Variants in EPHA6 observed in about 807,000 individuals in gnomAD.
EPHA6 encodes ephrin type-A receptor 6.
In EPHA6, 50 loss-of-function variants were observed where a neutral mutation model predicts 112.0. The observed-to-expected ratio is 0.45, with a 90% confidence interval of 0.36 to 0.56. EPHA6 has a LOEUF of 0.56. Ranked by LOEUF, EPHA6 falls within the 20% of genes least tolerant of loss-of-function variation. EPHA6 has a pLI of 0.00. For synonymous variants in EPHA6, 529 were observed against 490.7 expected (o/e 1.08, Z -1.03); for missense variants, 1,280 against 1,417.4 (o/e 0.90, Z 1.56).
At chr3:97,344,101 T>G (rs1411270609) in intron 5 of EPHA6, among the ~76,000 whole-genome samples, 1 of 151,698 alleles carries the variant, frequency 6.6e-6, no homozygotes, top group Non-Finnish European at 1.5e-5. Flanking sequence ...TGGAGGGGAG[T>G]TCTGACTCAG....
intron 3 of EPHA6, among the ~76,000 whole-genome samples, chr3:97,079,215 A>G (rs1232487815): frequency 6.6e-6 from 1 of 152,136 alleles, no homozygotes; most frequent in Non-Finnish European, 1.5e-5. Flanking sequence ...ATGCCCATCA[A>G]TGTTAGGATG....
At chr3:97,411,431 A>G (rs1452625970) in intron 6 of EPHA6, among the ~76,000 whole-genome samples, 1 of 152,092 alleles carries the variant, frequency 6.6e-6, no homozygotes, top group African/African-American at 2.4e-5. Flanking sequence ...AAAATTACAA[A>G]TATCTGCTAA....
At chr3:97,597,169 C>G (rs1283121764) in intron 12 of EPHA6, among the ~76,000 whole-genome samples, 1 of 151,776 alleles carries the variant, frequency 6.6e-6, no homozygotes, top group African/African-American at 2.4e-5. Context: ...TGTGGTTAAT[C>G]GTAGAAGCTC....
At chr3:97,605,555 G>A in intron 12 of EPHA6, among the ~76,000 whole-genome samples, 1 of 151,426 alleles carries the variant, frequency 6.6e-6, no homozygotes, top group South Asian at 2.1e-4. Flanking sequence ...GAGATCAGAT[G>A]GTTAGGGTGT....
At chr3:97,114,027 G>A (rs188626280) in intron 3 of EPHA6, among the ~76,000 whole-genome samples, 2 of 152,166 alleles carry the variant, frequency 1.3e-5, no homozygotes, top group Admixed American at 1.3e-4. Flanking sequence ...CTGATCACGA[G>A]GAGGAGGTGG....
At chr3:96,932,847 T>C (rs945252083) in intron 2 of EPHA6, among the ~76,000 whole-genome samples, 1 of 152,226 alleles carries the variant, frequency 6.6e-6, no homozygotes, top group Admixed American at 6.5e-5. Context: ...ATTTTAAAAA[T>C]ATTAATGTCA....
intron 3 of EPHA6, among the ~76,000 whole-genome samples, chr3:97,143,151 T>C (rs2075953680): frequency 6.6e-6 from 1 of 151,404 alleles, no homozygotes; most frequent in South Asian, 2.1e-4. Context: ...AATAACACAA[T>C]CTCATTAACA....
chr3:96,952,865 G>A (rs1055377209), intron 2 of EPHA6, among the ~76,000 whole-genome samples: 7 of 152,098 alleles, frequency 4.6e-5, no homozygotes, highest in African/African-American at 1.4e-4. Context: ...GTGTCTGTCT[G>A]TGGAGGGTGG....
intron 13 of EPHA6, among the ~76,000 whole-genome samples, chr3:97,618,633 C>T (rs1480503072): frequency 6.6e-6 from 1 of 152,052 alleles, no homozygotes. Context: ...ACTATAAACA[C>T]CTCTATTCAC....
intron 5 of EPHA6, among the ~76,000 whole-genome samples, chr3:97,259,987 G>A (rs2079445337): frequency 6.6e-6 from 1 of 152,070 alleles, no homozygotes; most frequent in Non-Finnish European, 1.5e-5. Context: ...TTTCAGTAGA[G>A]ACAGGGTTTC....
chr3:97,571,748 G>A (rs1264236414), intron 11 of EPHA6, among the ~76,000 whole-genome samples: 2 of 152,138 alleles, frequency 1.3e-5, no homozygotes, highest in African/African-American at 2.4e-5. Flanking sequence ...ACATGAATTT[G>A]CTATTAAATA....
intron 2 of EPHA6, among the ~76,000 whole-genome samples, chr3:96,981,482 G>A (rs71628854): frequency 6.6e-6 from 1 of 151,912 alleles, no homozygotes; most frequent in Non-Finnish European, 1.5e-5. Context: ...TTGCATCGAT[G>A]TTCATCAGGG....
Position 96,865,552 on chromosome 3 carries a change from C to T in EPHA6, c.386-1273C>T, listed in dbSNP as rs72933419. ...AAAAAATTAGCTGGGCACAGTGGTGCGTGCCTGTAGTCCCAGCTACTCAGA... is the reference window on the plus strand; with the variant it reads ...AAAAAATTAGCTGGGCACAGTGGTGTGTGCCTGTAGTCCCAGCTACTCAGA... On this transcript the variant is annotated intron_variant, in intron 1 of 17. Transcript: ENST00000389672. Among the ~76,000 whole-genome samples, 1,246 of 151,798 alleles carry T rather than the reference C, an allele frequency of 8.2e-3. 16 individuals carry two copies. Among genetic ancestry groups the T allele is most frequent in the African/African-American group, 0.022 (932 of 41,438 alleles).
chr3:97,655,643 A>G (rs1211645478), intron 14 of EPHA6, among the ~76,000 whole-genome samples: 1 of 151,192 alleles, frequency 6.6e-6, no homozygotes, highest in Non-Finnish European at 1.5e-5. Flanking sequence ...GTATATACCC[A>G]GTAATGGGAT....
At chr3:97,178,277 T>C (rs1034087590) in intron 3 of EPHA6, among the ~76,000 whole-genome samples, 3 of 152,106 alleles carry the variant, frequency 2.0e-5, no homozygotes, top group African/African-American at 2.4e-5. Flanking sequence ...TTTTTGTTGT[T>C]TCTATTTATA....
chr3:97,635,963 A>T (rs1330713974), intron 13 of EPHA6, among the ~76,000 whole-genome samples: 1 of 152,008 alleles, frequency 6.6e-6, no homozygotes, highest in Non-Finnish European at 1.5e-5. Flanking sequence ...GTGAGAAGGG[A>T]ATTTTCTGAC....
At chr3:97,453,543 A>G (rs1360426519) in intron 7 of EPHA6, among the ~76,000 whole-genome samples, 1 of 151,758 alleles carries the variant, frequency 6.6e-6, no homozygotes, top group South Asian at 2.1e-4. Flanking sequence ...GACTAAATTT[A>G]TAGCACATAA....
Position 97,109,787 on chromosome 3 carries a change from G to C in EPHA6, c.1115-116477G>C, listed in dbSNP as rs557232156. 1.0e-3 allele frequency among the ~76,000 whole-genome samples: 154 copies of C among 152,202 alleles called. 1 individual carries two copies. The highest frequency in any genetic ancestry group is 3.5e-3 in the African/African-American group (146 of 41,544). ...GTAAACAAGATGGACAGAGGCTCCT[G>C]ACCTTATGAAGATATGGCCTAGCAG... On this transcript the variant is annotated intron_variant, in intron 3 of 17. Transcript: ENST00000389672.
At chr3:97,139,438 AG>A (rs2075842800) in intron 3 of EPHA6, among the ~76,000 whole-genome samples, 1 of 152,180 alleles carries the variant, frequency 6.6e-6, no homozygotes, top group African/African-American at 2.4e-5. Flanking sequence ...ACAGAAGTGC[AG>A]GGAACAAGAA....
Sources: allele counts gnomAD v4.1 joint callset (sites outside exome capture counted in the v4.1 genomes callset), GRCh38; gene constraint gnomAD v4.1.1; transcripts MANE v1.5; gene names NCBI Gene and HGNC (gene_info 2026-07-23, HGNC 2026-07-21).